Variants in TBC1D31 observed in about 807,000 individuals in gnomAD.
TBC1D31 encodes the protein WD repeat domain 67.
Under a neutral mutation model 132.9 loss-of-function variants are expected in TBC1D31, and 99 were observed. The ratio of observed to expected loss-of-function variants is 0.74; its 90% CI spans 0.63 to 0.88. The LOEUF (loss-of-function observed/expected upper bound fraction) is 0.88, where lower values mean the gene tolerates loss of function less well. Among genes scored for constraint, TBC1D31 ranks in the 40% least tolerant of loss-of-function variants. The pLI, the probability that TBC1D31 is intolerant of heterozygous loss-of-function variation, is 0.00. For missense variants in TBC1D31, 1,134 were observed against 1,256.6 expected (o/e 0.90, Z 1.48); for synonymous variants, 385 against 419.4 (o/e 0.92, Z 1.00).
intron 6 of TBC1D31, 50 bp downstream of exon 6, chr8:123,097,491 C>T (rs558297423): frequency 2.4e-5 from 38 of 1,571,104 alleles, no homozygotes; most frequent in African/African-American, 2.7e-5. Flanking sequence ...AGAACGCATC[C>T]GTCTCTGAAC....
In TBC1D31 at chr8:123,123,822, G is replaced by A. The variant is rs1392341139; in HGVS notation, c.1571-2234G>A. The A allele has an allele frequency of 2.0e-5, 3 of 152,014 alleles. No individual in the cohort carries two copies. The South Asian group carries it at 6.2e-4, about 32-fold the overall frequency. 9.4% of individuals were successfully genotyped at this position (152,014 alleles called of 1,614,324 possible). On this transcript the variant is annotated intron_variant, in intron 11 of 21. Transcript: ENST00000287380. ...TTTAAACTGTACAGTGTCTTTTTTT[G>A]TATAGTTAACACCCTATCGAATGTC...
chr8:123,132,403 C>CTTTTT (rs34901750), intron 16 of TBC1D31, among the ~76,000 whole-genome samples: 18 of 55,442 alleles, frequency 3.2e-4, no homozygotes, highest in Non-Finnish European at 4.9e-4. Context: ...TTTTTTAAGT[C>CTTTTT]TTTTTTTTTT....
intron 3 of TBC1D31, chr8:123,083,865 T>C: frequency 3.6e-6 from 1 of 278,330 alleles, no homozygotes; most frequent in Non-Finnish European, 6.7e-6. Context: ...GATATGGTAC[T>C]CTTTTACATA....
intron 4 of TBC1D31, among the ~76,000 whole-genome samples, chr8:123,093,201 G>A (rs963611383): frequency 4.7e-4 from 71 of 152,014 alleles, no homozygotes; most frequent in African/African-American, 1.6e-3. Context: ...CGCCTGCTTC[G>A]GCCTCCCAAA....
chr8:123,129,197 A>G lies in TBC1D31; in HGVS notation c.2249A>G (p.Lys750Arg), dbSNP rs1820386431. 1.9e-6 allele frequency: 3 copies of G among 1,599,008 alleles called. No homozygotes were observed. In the Admixed American group the frequency reaches 5.1e-5, roughly 27 times the overall value. Residue 750 changes from lysine to arginine, a missense_variant, in exon 15 of 22, where the codon AAA (lysine) becomes AGA (arginine). Transcript: ENST00000287380. Reference sequence around the variant, plus strand: ...GAAATGCTCTTACAAGAGGAGGAGAAAATGATACAACAAAGACAGAGGTAT... The same window carrying G: ...GAAATGCTCTTACAAGAGGAGGAGAGAATGATACAACAAAGACAGAGGTAT... Reference protein sequence around the residue: ...RREMLLQEEEKMIQQRQRLAA... With the variant: ...RREMLLQEEERMIQQRQRLAA...
intron 7 of TBC1D31, chr8:123,102,398 T>C: frequency 2.8e-6 from 1 of 363,274 alleles, no homozygotes. Context: ...TCCTCCTTTT[T>C]GTTTTATCTT....
chr8:123,092,051 G>C (rs953438122), intron 4 of TBC1D31, among the ~76,000 whole-genome samples: 1 of 152,132 alleles, frequency 6.6e-6, no homozygotes. Context: ...TTTCACTCTT[G>C]TTGCCCAGGC....
intron 11 of TBC1D31, among the ~76,000 whole-genome samples, chr8:123,125,489 T>C (rs1277936067): frequency 6.6e-6 from 1 of 152,202 alleles, no homozygotes; most frequent in African/African-American, 2.4e-5. Context: ...TATTCCTTAT[T>C]ACCATGCTTA....
chr8:123,119,154 C>A (rs148115534), intron 10 of TBC1D31, among the ~76,000 whole-genome samples: 1 of 152,132 alleles, frequency 6.6e-6, no homozygotes, highest in Non-Finnish European at 1.5e-5. Flanking sequence ...TGATAATATG[C>A]GGCCAAGAGT....
chr8:123,130,092 G>C, intron 15 of TBC1D31, 106 bp from the exon 16 acceptor site: 1 of 1,106,272 alleles, frequency 9.0e-7, no homozygotes, highest in East Asian at 2.5e-5. Context: ...TCAAATAAAG[G>C]ATATCAATTG....
intron 15 of TBC1D31, among the ~76,000 whole-genome samples, chr8:123,129,775 A>G (rs533565070): frequency 6.6e-6 from 1 of 152,324 alleles, no homozygotes; most frequent in Admixed American, 6.5e-5. Context: ...TGGGCAACAT[A>G]GTGAGACCCT....
At chr8:123,162,146 C>T in the TBC1D31 span, among the ~76,000 whole-genome samples, 11 of 151,974 alleles carry the variant, frequency 7.2e-5, no homozygotes, top group Non-Finnish European at 1.2e-4. Flanking sequence ...ATTTAACTGC[C>T]TCCTTGAACT....
At chr8:123,094,891 A>G (rs1816706918) in intron 5 of TBC1D31, among the ~76,000 whole-genome samples, 1 of 152,246 alleles carries the variant, frequency 6.6e-6, no homozygotes. Context: ...ATTGTCATAT[A>G]TCTAGTTATT....
intron 7 of TBC1D31, chr8:123,103,796 CT>C (rs1205116706): frequency 6.6e-6 from 1 of 152,194 alleles, no homozygotes; most frequent in Non-Finnish European, 1.5e-5. Context: ...GAGTTCCTTT[CT>C]GCTTGTTATC....
chr8:123,118,885 G>A (rs924030514), intron 10 of TBC1D31, among the ~76,000 whole-genome samples: 2 of 152,074 alleles, frequency 1.3e-5, no homozygotes, highest in African/African-American at 4.8e-5. Flanking sequence ...CACCACACCT[G>A]GCTAATTTTT....
At chr8:123,163,462 C>T in the TBC1D31 span, among the ~76,000 whole-genome samples, 1 of 149,386 alleles carries the variant, frequency 6.7e-6, no homozygotes, top group African/African-American at 2.5e-5. Context: ...CCTCCCCAGC[C>T]TTAGTGATCC....
chr8:123,085,331 CTT>C (rs1475464392), intron 4 of TBC1D31, among the ~76,000 whole-genome samples: 1 of 152,248 alleles, frequency 6.6e-6, no homozygotes, highest in Non-Finnish European at 1.5e-5. Context: ...GACCACCACT[CTT>C]ACGTTTTCCC....
chr8:123,130,251 C>A lies in TBC1D31; in HGVS notation c.2324C>A (p.Ala775Asp). Residue 775 changes from alanine (A) to aspartate (D), a missense_variant, in exon 16 of 22, where the codon GCT (alanine) becomes GAT (aspartate). By Grantham distance (126) the Ala-to-Asp change is moderately radical. Transcript: ENST00000287380. The part of the protein sequence containing the change: ...LKVKEMHLQD[A>D]ARRRFLKLQQ... ...GTAAAGGAAATGCACTTACAAGATG[C>A]TGCAAGAAGGCGTTTTCTGAAGCTT... 1 of 1,613,036 alleles carries A rather than the reference C, an allele frequency of 6.2e-7. No individual in the cohort carries two copies. The highest frequency in any genetic ancestry group is 8.5e-7 in the Non-Finnish European group (1 of 1,179,448).
chr8:123,078,516 G>A (rs79523832), intron 2 of TBC1D31, among the ~76,000 whole-genome samples: 3,997 of 152,232 alleles, frequency 0.026, 141 homozygotes, highest in African/African-American at 0.091. Context: ...CATGCCAGCA[G>A]CAATGAATAT....
Sources: gnomAD v4.1 joint callset for allele counts (sites outside exome capture counted in the v4.1 genomes callset) on GRCh38, gnomAD v4.1.1 for gene constraint, MANE v1.5 for transcripts, NCBI Gene and HGNC (gene_info 2026-07-23, HGNC 2026-07-21) for gene names.